The following GTF2A2 variants were observed in gnomAD, a reference collection of about 807,000 sequenced individuals.
GTF2A2 encodes general transcription factor IIA subunit 2.
Under a neutral mutation model 14.3 loss-of-function variants are expected in GTF2A2, and 9 were observed. That is an observed-to-expected ratio of 0.63 (90% confidence interval 0.38 to 1.10). GTF2A2 has a LOEUF of 1.10. GTF2A2 is among the 50% of genes least tolerant of loss of function. GTF2A2 has a pLI of 0.01. For missense variants in GTF2A2, 90 were observed against 124.6 expected, an observed-to-expected ratio of 0.72 and a Z score of 1.32; for synonymous variants, 56 against 46.0, an observed-to-expected ratio of 1.22 and a Z score of -0.88.
Position 59,654,861 on chromosome 15 carries a change from G to C in GTF2A2, c.-49-2535C>G, listed in dbSNP as rs768747955. Among the ~76,000 whole-genome samples, 19 of 152,222 alleles carry C rather than the reference G, an allele frequency of 1.2e-4. 1 individual carries two copies. Among genetic ancestry groups the C allele is most frequent in the Admixed American group, 6.5e-4 (10 of 15,292 alleles). On this transcript the variant is annotated intron_variant, in intron 1 of 4. Coordinates refer to ENST00000396060, the MANE Select transcript of GTF2A2 (RefSeq NM_004492.3). ...TTTTGGATTTTAGAATATCTGCATC[G>C]TATATACTTAGTGATTGAGTACCCC...
At chr15:59,640,216 A>T (rs1245589386) in intron 4 of GTF2A2, 2 of 152,284 alleles carry the variant, frequency 1.3e-5, no homozygotes, top group Non-Finnish European at 2.9e-5. Flanking sequence ...AAACAAGGCC[A>T]ATCTGCTACT....
chr15:59,655,239 C>T (rs1029572111), intron 1 of GTF2A2, among the ~76,000 whole-genome samples: 8 of 152,214 alleles, frequency 5.3e-5, no homozygotes, highest in African/African-American at 7.2e-5. Flanking sequence ...AACCCCTCAA[C>T]CCAAATCCCC....
chr15:59,656,170 C>T (rs1349693126), intron 1 of GTF2A2, among the ~76,000 whole-genome samples: 2 of 152,158 alleles, frequency 1.3e-5, no homozygotes, highest in South Asian at 4.1e-4. Context: ...CCTCCACCCC[C>T]AAAACTCTTG....
intron 4 of GTF2A2, among the ~76,000 whole-genome samples, chr15:59,640,709 C>T (rs1358021892): frequency 1.3e-5 from 2 of 151,900 alleles, no homozygotes; most frequent in African/African-American, 4.8e-5. Flanking sequence ...ATTCTACAGA[C>T]TAATAAAAAT....
chr15:59,639,357 G>C (rs8033208), intron 4 of GTF2A2, among the ~76,000 whole-genome samples, 200 bp from the exon 5 acceptor site: 136,959 of 152,172 alleles, frequency 0.9, 62,245 homozygotes, highest in Middle Eastern at 0.97. Flanking sequence ...GAGATACAAA[G>C]ATGCTTAGCT....
intron 3 of GTF2A2, among the ~76,000 whole-genome samples, chr15:59,650,149 T>C (rs2141964610): frequency 6.6e-6 from 1 of 152,312 alleles, no homozygotes; most frequent in South Asian, 2.1e-4. Flanking sequence ...ATGACTACTG[T>C]TCAAAGTATA....
Position 59,638,237 on chromosome 15 carries a change from A to C in GTF2A2, c.*895T>G, listed in dbSNP as rs1401959543. 1 of 152,112 alleles carries C rather than the reference A, an allele frequency of 6.6e-6. No homozygotes were observed. The highest frequency in any genetic ancestry group is 1.5e-5 in the Non-Finnish European group (1 of 68,036). 9.4% of individuals were successfully genotyped at this position (152,112 alleles called of 1,614,324 possible). On this transcript the variant is annotated 3_prime_UTR_variant, in exon 5 of 5. Coordinates refer to ENST00000396060, the MANE Select transcript of GTF2A2 (RefSeq NM_004492.3). ...GTTAGTTTTAATGTGAGAGTCAAGG[A>C]CTACAGTGGCATGCTGAGGTAACAA... is the stretch of plus-strand genomic sequence containing the variant.
chr15:59,638,571 T>TTC lies in GTF2A2; in HGVS notation c.*560_*561insGA, dbSNP rs1288696541. 2.0e-5 allele frequency: 3 copies of TTC among 152,286 alleles called. No individual in the cohort carries two copies. Among genetic ancestry groups the TTC allele is most frequent in the African/African-American group, 7.3e-5 (3 of 41,376 alleles). The allele number at this position is 152,286 out of a possible 1,614,324, so 9.4% of individuals were successfully genotyped here. A position where few individuals can be genotyped will look rare whatever the true frequency, so the allele number is the denominator to read the frequency against. On this transcript the variant is annotated 3_prime_UTR_variant, in exon 5 of 5. Coordinates refer to ENST00000396060, the MANE Select transcript of GTF2A2 (RefSeq NM_004492.3). ...GTCTAAGAAGGAAAGTTTTTTGGTT[T>TTC]TGTTTTTGCTATGATTGTCTAACTT...
Position 59,652,316 on chromosome 15 carries a change from G to A in GTF2A2, c.-39C>T, listed in dbSNP as rs758194892. Reference sequence around the variant, plus strand: ...GAATTTGTTTTTCTTATTCAAGCTTGCATTGATGTCCTAAAAATTTAATAT... The same window carrying A: ...GAATTTGTTTTTCTTATTCAAGCTTACATTGATGTCCTAAAAATTTAATAT... On this transcript the variant is annotated 5_prime_UTR_variant, in exon 2 of 5. It introduces an in-frame stop codon into an upstream open reading frame of the 5' UTR. Transcript: ENST00000396060. 1.8e-6 allele frequency: 2 copies of A among 1,087,696 alleles called. No homozygotes were observed. Among genetic ancestry groups the A allele is most frequent in the African/African-American group, 3.2e-5 (2 of 63,350 alleles). 67.4% of individuals were successfully genotyped at this position (1,087,696 alleles called of 1,614,324 possible).
chr15:59,641,427 G>GTTA (rs1417185943), intron 4 of GTF2A2, among the ~76,000 whole-genome samples: 1 of 152,092 alleles, frequency 6.6e-6, no homozygotes, highest in Non-Finnish European at 1.5e-5. Flanking sequence ...AATGGAGGGG[G>GTTA]TTACTTTCTA....
Position 59,650,711 on chromosome 15 carries a change from A to AC in GTF2A2, c.134_135insG (p.Asn45LysfsTer26). The AC allele has an allele frequency of 6.2e-7, 1 of 1,611,348 alleles. No individual in the cohort carries two copies. Among genetic ancestry groups the AC allele is most frequent in the Non-Finnish European group, 8.5e-7 (1 of 1,177,520 alleles). On this transcript the variant is annotated frameshift_variant, in exon 3 of 5. Transcript: ENST00000396060. LOFTEE classifies it high-confidence loss of function. ...TCCTGACCCTCTGAGCCAGTGCTGC[A>AC]TTTATAGCCTTATCAAACTGAAGTA...
At chr15:59,648,424 A>AG in intron 3 of GTF2A2, among the ~76,000 whole-genome samples, 1 of 147,230 alleles carries the variant, frequency 6.8e-6, no homozygotes, top group Non-Finnish European at 1.5e-5. Context: ...AAAAAAGAAT[A>AG]AATAAATAAA....
Position 59,638,529 on chromosome 15 carries a change from C to G in GTF2A2, c.*603G>C, listed in dbSNP as rs1360112118. 11 of 152,226 alleles carry G rather than the reference C, an allele frequency of 7.2e-5. No homozygotes were observed. Among genetic ancestry groups the G allele is most frequent in the African/African-American group, 2.4e-4 (10 of 41,408 alleles). The allele number at this position is 152,226 out of a possible 1,614,324, so 9.4% of individuals were successfully genotyped here. A position where few individuals can be genotyped will look rare whatever the true frequency, so the allele number is the denominator to read the frequency against. The stretch of plus-strand genomic sequence containing the variant: ...CTATTTTGTTTGGGTTTTTTTCCCC[C>G]TTCCTCATGTTACCTGGTCTAAGAA... On this transcript the variant is annotated 3_prime_UTR_variant, in exon 5 of 5. Coordinates refer to ENST00000396060, the MANE Select transcript of GTF2A2 (RefSeq NM_004492.3).
At chr15:59,653,039 G>C (rs1891840094) in intron 1 of GTF2A2, 2 of 152,190 alleles carry the variant, frequency 1.3e-5, no homozygotes, top group South Asian at 2.1e-4. Context: ...AACATAAACT[G>C]TTCTACATTA....
intron 3 of GTF2A2, among the ~76,000 whole-genome samples, chr15:59,648,010 T>A (rs1489567180): frequency 6.6e-6 from 1 of 152,216 alleles, no homozygotes; most frequent in Non-Finnish European, 1.5e-5. Context: ...TGGCATTAAA[T>A]CTTTTAACGC....
chr15:59,643,189 C>G (rs1335183716), intron 3 of GTF2A2, among the ~76,000 whole-genome samples: 1 of 150,076 alleles, frequency 6.7e-6, no homozygotes, highest in Non-Finnish European at 1.5e-5. Context: ...AAGCTATTCT[C>G]CTGCCTCAGC....
chr15:59,648,667 G>C (rs1195495397), intron 3 of GTF2A2, among the ~76,000 whole-genome samples: 2 of 151,786 alleles, frequency 1.3e-5, no homozygotes, highest in African/African-American at 4.8e-5. Context: ...GGGCGCAGTG[G>C]CTCAAGCCTG....
chr15:59,648,912 C>T (rs1337554572), intron 3 of GTF2A2, among the ~76,000 whole-genome samples: 4 of 151,720 alleles, frequency 2.6e-5, no homozygotes, highest in Non-Finnish European at 4.4e-5. Flanking sequence ...CCAGCCTGGG[C>T]GACAGAGCAA....
At chr15:59,652,465 T>C in intron 1 of GTF2A2, 139 bp from the exon 2 acceptor site, 1 of 520,732 alleles carries the variant, frequency 1.9e-6, no homozygotes, top group Non-Finnish European at 3.4e-6. Flanking sequence ...ATAATCATTT[T>C]AGAATTACAA....
Sources: allele counts gnomAD v4.1 joint callset (sites outside exome capture counted in the v4.1 genomes callset), GRCh38; gene constraint gnomAD v4.1.1; transcripts MANE v1.5; gene names NCBI Gene and HGNC (gene_info 2026-07-23, HGNC 2026-07-21).